Variants in ADCY2 observed in about 807,000 individuals in gnomAD.
ADCY2 encodes adenylate cyclase 2, also known as adenylate cyclase type 2.
Under a neutral mutation model 125.2 loss-of-function variants are expected in ADCY2, and 31 were observed. The ratio of observed to expected loss-of-function variants is 0.25; its 90% confidence interval spans 0.19 to 0.33. ADCY2 has a LOEUF of 0.33. Among genes scored for constraint, ADCY2 ranks in the 10% least tolerant of loss-of-function variants. The pLI, the probability that ADCY2 is intolerant of heterozygous loss-of-function variation, is 1.00. For missense variants in ADCY2, 904 were observed against 1,418.2 expected (o/e 0.64, Z 5.82); for synonymous variants, 512 against 548.4 (o/e 0.93, Z 0.93).
intron 3 of ADCY2, among the ~76,000 whole-genome samples, chr5:7,563,384 C>A (rs1243103466): frequency 6.6e-6 from 1 of 152,118 alleles, no homozygotes; most frequent in Admixed American, 6.6e-5. Context: ...TACCCTGAGG[C>A]GCCCCTGAGT....
At chr5:7,590,455 G>T (rs945916982) in intron 3 of ADCY2, among the ~76,000 whole-genome samples, 2 of 151,986 alleles carry the variant, frequency 1.3e-5, no homozygotes, top group Non-Finnish European at 2.9e-5. Context: ...TTATAATCAT[G>T]TAAGTCATTC....
In ADCY2 at chr5:7,584,056, A is replaced by G. The variant is rs147522360; in HGVS notation, c.571-42111A>G. Among the ~76,000 whole-genome samples, 76 of 152,180 alleles carry G rather than the reference A, an allele frequency of 5.0e-4. No individual in the cohort carries two copies. The Middle Eastern group carries it at 0.01, about 20-fold the overall frequency. On this transcript the variant is annotated intron_variant, in intron 3 of 24. Transcript: ENST00000338316. ...AAGTGGTTGCCTCTAGGAAAGAAGG[A>G]AAGGGAATGACTGAGAATGGGGTGA...
At chr5:7,418,776 C>T (rs1740067494) in intron 2 of ADCY2, among the ~76,000 whole-genome samples, 1 of 151,046 alleles carries the variant, frequency 6.6e-6, no homozygotes, top group Non-Finnish European at 1.5e-5. Context: ...CTGCCTCAGC[C>T]TCCTGAGTAG....
At chr5:7,803,493 C>T (rs1009690399) in intron 21 of ADCY2, among the ~76,000 whole-genome samples, 3 of 152,222 alleles carry the variant, frequency 2.0e-5, no homozygotes, top group Non-Finnish European at 4.4e-5. Context: ...CCTCTTCCTT[C>T]CTACAGCTTC....
At chr5:7,562,940 T>G (rs1162206313) in intron 3 of ADCY2, among the ~76,000 whole-genome samples, 1 of 152,204 alleles carries the variant, frequency 6.6e-6, no homozygotes, top group African/African-American at 2.4e-5. Context: ...TCTTATTAAC[T>G]ACATTTCCTT....
At chr5:7,501,225 A>G (rs1209532595) in intron 2 of ADCY2, among the ~76,000 whole-genome samples, 1 of 150,800 alleles carries the variant, frequency 6.6e-6, no homozygotes, top group Non-Finnish European at 1.5e-5. Context: ...GTTCTATTCT[A>G]TTTTTCCATA....
At chr5:7,783,462 C>T (rs974589208) in intron 18 of ADCY2, among the ~76,000 whole-genome samples, 5 of 151,898 alleles carry the variant, frequency 3.3e-5, no homozygotes, top group Non-Finnish European at 5.9e-5. Context: ...TAAAGCCCAC[C>T]TGGGCTTTTA....
At chr5:7,530,680 C>G (rs1734610363) in intron 3 of ADCY2, among the ~76,000 whole-genome samples, 1 of 152,164 alleles carries the variant, frequency 6.6e-6, no homozygotes, top group Non-Finnish European at 1.5e-5. Flanking sequence ...TGGCTTCATC[C>G]TCTGAGGATG....
intron 20 of ADCY2, chr5:7,799,878 A>G (rs1277202500): frequency 6.6e-6 from 1 of 152,224 alleles, no homozygotes; most frequent in Non-Finnish European, 1.5e-5. Flanking sequence ...ATGAAATGAC[A>G]TGTCAGATCC....
At chr5:7,719,049 G>A (rs1434928558) in intron 12 of ADCY2, among the ~76,000 whole-genome samples, 5 of 152,202 alleles carry the variant, frequency 3.3e-5, no homozygotes, top group African/African-American at 1.2e-4. Context: ...ACCTCAGCAT[G>A]TGTTAACGCA....
At chr5:7,671,620 GA>G (rs922085571) in intron 4 of ADCY2, among the ~76,000 whole-genome samples, 37 of 150,810 alleles carry the variant, frequency 2.5e-4, no homozygotes, top group Admixed American at 1.2e-3. Context: ...ACTTGGTGAT[GA>G]AAAAAAAATG....
intron 2 of ADCY2, among the ~76,000 whole-genome samples, chr5:7,484,784 A>C (rs1579491087): frequency 6.6e-6 from 1 of 152,224 alleles, no homozygotes; most frequent in East Asian, 1.9e-4. Flanking sequence ...TCTCTTCTGC[A>C]TCCTAAAAAT....
chr5:7,546,083 A>G (rs1162211321), intron 3 of ADCY2, among the ~76,000 whole-genome samples: 1 of 152,170 alleles, frequency 6.6e-6, no homozygotes, highest in Non-Finnish European at 1.5e-5. Context: ...CACCTATTCC[A>G]ATACTGATGC....
At chr5:7,666,012 G>C (rs999401746) in intron 4 of ADCY2, among the ~76,000 whole-genome samples, 15 of 146,144 alleles carry the variant, frequency 1.0e-4, no homozygotes, top group Admixed American at 6.8e-4. Flanking sequence ...CTAATTTTTT[G>C]TATTTTTAGT....
intron 3 of ADCY2, among the ~76,000 whole-genome samples, chr5:7,619,090 C>T (rs1201165597): frequency 2.6e-5 from 4 of 152,110 alleles, no homozygotes; most frequent in Admixed American, 6.6e-5. Context: ...AACACTCATT[C>T]GACTATCTAA....
At chr5:7,433,950 A>G (rs750446005) in intron 2 of ADCY2, among the ~76,000 whole-genome samples, 5 of 152,242 alleles carry the variant, frequency 3.3e-5, no homozygotes, top group Non-Finnish European at 5.9e-5. Context: ...ATTCATTAAA[A>G]TACAAATTAG....
At chr5:7,416,920 T>A (rs1043063122) in intron 2 of ADCY2, among the ~76,000 whole-genome samples, 2 of 152,192 alleles carry the variant, frequency 1.3e-5, no homozygotes, top group African/African-American at 2.4e-5. Context: ...GCCAAGTACC[T>A]CTTCTTGTTC....
At position 7,568,436 on chromosome 5, in the gene ADCY2, T is replaced by C. The variant is rs376682458; in HGVS notation, c.570+47537T>C. ...ATAATTAGCTGTTTGACAGCCCTTTTTTTTTTAAAGTTATTTCTCTTGGGT... is the reference window on the plus strand; with the variant it reads ...ATAATTAGCTGTTTGACAGCCCTTTCTTTTTTAAAGTTATTTCTCTTGGGT... On this transcript the variant is annotated intron_variant, in intron 3 of 24. Transcript: ENST00000338316. 7.2e-5 allele frequency among the ~76,000 whole-genome samples: 11 copies of C among 152,316 alleles called. No homozygotes were observed. In the East Asian group the frequency reaches 1.4e-3, roughly 19 times the overall value.
intron 2 of ADCY2, among the ~76,000 whole-genome samples, chr5:7,501,457 T>C (rs986119651): frequency 3.3e-5 from 5 of 152,138 alleles, no homozygotes; most frequent in Non-Finnish European, 7.4e-5. Context: ...AATGTCAACT[T>C]TTTTGACATT....
Sources: allele counts gnomAD v4.1 joint callset (sites outside exome capture counted in the v4.1 genomes callset), GRCh38; gene constraint gnomAD v4.1.1; transcripts MANE v1.5; gene names NCBI Gene and HGNC (gene_info 2026-07-23, HGNC 2026-07-21).